SLC18A1: variants seen among roughly 807,000 people sequenced by gnomAD.
The protein encoded by SLC18A1 is solute carrier family 18 member A1.
SLC18A1 carries 69 observed loss-of-function variants against 53.7 expected under a neutral mutation model. That is an observed-to-expected ratio of 1.28 (90% CI 1.06 to 1.57). The LOEUF (loss-of-function observed/expected upper bound fraction) is 1.57, where lower values mean the gene tolerates loss of function less well. Among genes scored for constraint, SLC18A1 ranks in the 40% most tolerant of loss-of-function variants. The probability of loss-of-function intolerance (pLI) is 0.00; values close to 1 mark genes in which losing one functional copy is unlikely to be tolerated. For missense variants in SLC18A1, 932 were observed against 668.1 expected (o/e 1.40, Z -4.35); for synonymous variants, 320 against 248.1 (o/e 1.29, Z -2.72).
At chr8:20,157,479 T>G (rs1243871283) in intron 10 of SLC18A1, among the ~76,000 whole-genome samples, 2 of 152,102 alleles carry the variant, frequency 1.3e-5, no homozygotes, top group East Asian at 1.9e-4. Flanking sequence ...TTTGCTAACT[T>G]GCGTGCTAGA....
intron 2 of SLC18A1, among the ~76,000 whole-genome samples, chr8:20,180,316 T>C (rs1465868375): frequency 6.6e-6 from 1 of 152,174 alleles, no homozygotes; most frequent in Non-Finnish European, 1.5e-5. Context: ...GGAGAAACCT[T>C]TTAGTGCCCA....
At chr8:20,148,657 C>T (rs2071468500) in intron 12 of SLC18A1, 1 of 412,146 alleles carries the variant, frequency 2.4e-6, no homozygotes, top group Non-Finnish European at 4.8e-6. Context: ...CCAACAAAAA[C>T]CCCTTCTTCC....
chr8:20,151,537 G>T (rs1396514310), intron 10 of SLC18A1, among the ~76,000 whole-genome samples: 3 of 152,080 alleles, frequency 2.0e-5, no homozygotes, highest in African/African-American at 7.2e-5. Flanking sequence ...CTGAGCCTTG[G>T]TTTCCACATC....
chr8:20,164,970 G>A lies in SLC18A1; in HGVS notation c.920-6C>T. ...GTTGGCAAAGCAGATGGACCCTGGG[G>A]AGACTGTTCTGTGAGCAGCCGTGGC... On this transcript the variant is annotated splice_region_variant and splice_polypyrimidine_tract_variant and intron_variant, in intron 9 of 15. Coordinates refer to ENST00000276373, the MANE Select transcript of SLC18A1 (RefSeq NM_003053.4). 6.2e-7 allele frequency: 1 copy of A among 1,614,016 alleles called. No homozygotes were observed. The highest frequency in any genetic ancestry group is 8.5e-7 in the Non-Finnish European group (1 of 1,179,936).
chr8:20,162,674 G>A (rs1011347516), intron 10 of SLC18A1, among the ~76,000 whole-genome samples: 6 of 152,146 alleles, frequency 3.9e-5, no homozygotes, highest in African/African-American at 1.4e-4. Context: ...TTACTCTAGT[G>A]TCCAATACCT....
chr8:20,182,836 A>G (rs2072463917), intron 1 of SLC18A1, among the ~76,000 whole-genome samples: 1 of 152,238 alleles, frequency 6.6e-6, no homozygotes, highest in Non-Finnish European at 1.5e-5. Context: ...TAGGATATGT[A>G]TGGATAAGAA....
chr8:20,146,251 T>G (rs2071394794), intron 15 of SLC18A1, among the ~76,000 whole-genome samples: 1 of 152,036 alleles, frequency 6.6e-6, no homozygotes, highest in Non-Finnish European at 1.5e-5. Flanking sequence ...ATCTCCTCAT[T>G]CCGTCCTCCC....
At chr8:20,174,481 A>G (rs1471307639) in intron 4 of SLC18A1, 37 bp from the exon 5 acceptor site, 1 of 1,500,448 alleles carries the variant, frequency 6.7e-7, no homozygotes, top group Non-Finnish European at 9.3e-7. Flanking sequence ...TGCAGTTAGC[A>G]AATTGCCTTT....
chr8:20,167,581 G>A (rs1199027874), intron 8 of SLC18A1, among the ~76,000 whole-genome samples: 1 of 151,982 alleles, frequency 6.6e-6, no homozygotes, highest in South Asian at 2.1e-4. Flanking sequence ...GACCCCAATG[G>A]CAAAGAGCAC....
At chr8:20,154,594 G>T (rs550001654) in intron 10 of SLC18A1, among the ~76,000 whole-genome samples, 1 of 152,332 alleles carries the variant, frequency 6.6e-6, no homozygotes, top group African/African-American at 2.4e-5. Flanking sequence ...AATGTTCACA[G>T]AAAACATCTG....
At chr8:20,157,592 G>A (rs1172542632) in intron 10 of SLC18A1, among the ~76,000 whole-genome samples, 1 of 152,190 alleles carries the variant, frequency 6.6e-6, no homozygotes. Context: ...AGACACTAAG[G>A]GAGGCATTGA....
chr8:20,172,049 G>C (rs2072136074), intron 6 of SLC18A1, among the ~76,000 whole-genome samples: 1 of 152,246 alleles, frequency 6.6e-6, no homozygotes, highest in South Asian at 2.1e-4. Context: ...GCGGCCTATG[G>C]AGAAACATCA....
At chr8:20,178,996 A>T in intron 3 of SLC18A1, 125 bp downstream of exon 3, 1 of 1,157,412 alleles carries the variant, frequency 8.6e-7, no homozygotes, top group Non-Finnish European at 1.2e-6. Flanking sequence ...CTTTCCGAAT[A>T]GCTGACTCCC....
At chr8:20,162,548 A>G (rs552420529) in intron 10 of SLC18A1, among the ~76,000 whole-genome samples, 20 of 152,344 alleles carry the variant, frequency 1.3e-4, no homozygotes, top group African/African-American at 4.6e-4. Flanking sequence ...TGCTGCTTAG[A>G]TATTTCTTCT....
intron 8 of SLC18A1, among the ~76,000 whole-genome samples, chr8:20,165,654 C>T (rs192271284): frequency 1.3e-5 from 2 of 152,288 alleles, no homozygotes; most frequent in African/African-American, 2.4e-5. Context: ...GACCCACTCT[C>T]GTCAGGACAC....
chr8:20,178,645 A>G (rs1021470970), intron 3 of SLC18A1, 152 bp from the exon 4 acceptor site: 4 of 642,930 alleles, frequency 6.2e-6, no homozygotes, highest in Non-Finnish European at 1.1e-5. Context: ...GAAATAGGGC[A>G]TGTGGATGAG....
chr8:20,170,463 A>AT (rs1427224346), intron 8 of SLC18A1, among the ~76,000 whole-genome samples: 2 of 152,192 alleles, frequency 1.3e-5, no homozygotes, highest in African/African-American at 2.4e-5. Flanking sequence ...TGGAATGCAA[A>AT]GTCAAGGCCT....
chr8:20,148,473 A>G (rs2071462574), intron 12 of SLC18A1: 10 of 1,289,572 alleles, frequency 7.8e-6, no homozygotes, highest in Non-Finnish European at 1.0e-5. Flanking sequence ...GTTTTCCATT[A>G]TGGACATCAC....
chr8:20,151,027 AG>A, intron 10 of SLC18A1: 1 of 386,078 alleles, frequency 2.6e-6, no homozygotes, highest in Non-Finnish European at 4.9e-6. Flanking sequence ...GCTGGAGTGC[AG>A]TGGTACAATC....
Sources: allele counts gnomAD v4.1 joint callset (sites outside exome capture counted in the v4.1 genomes callset), GRCh38; gene constraint gnomAD v4.1.1; transcripts MANE v1.5; gene names NCBI Gene and HGNC (gene_info 2026-07-23, HGNC 2026-07-21).